The following TRA2B variants were observed in gnomAD, a reference collection of about 807,000 sequenced individuals.
The protein encoded by TRA2B is transformer-2 protein homolog beta.
A neutral mutation model predicts 41.7 loss-of-function variants in TRA2B; 14 were observed. The ratio of observed to expected loss-of-function variants is 0.34; its 90% confidence interval spans 0.22 to 0.53. The LOEUF (loss-of-function observed/expected upper bound fraction) is 0.53. Ranked by LOEUF, TRA2B falls within the 20% of genes least tolerant of loss-of-function variation. The pLI is 0.95. For synonymous variants in TRA2B, 130 were observed against 128.8 expected, an observed-to-expected ratio of 1.01 and a Z score of -0.06; for missense variants, 167 against 396.8, an observed-to-expected ratio of 0.42 and a Z score of 4.92.
At chr3:185,933,246 AT>A (rs1744217107) in intron 1 of TRA2B, among the ~76,000 whole-genome samples, 1 of 152,166 alleles carries the variant, frequency 6.6e-6, no homozygotes, top group African/African-American at 2.4e-5. Context: ...TTCAATGTGG[AT>A]ACCTTCCTGC....
Position 185,926,685 on chromosome 3 carries a change from G to C in TRA2B, c.86C>G (p.Ser29Cys). 2 of 1,614,156 alleles carry C rather than the reference G, an allele frequency of 1.2e-6. No individual in the cohort carries two copies. The highest frequency in any genetic ancestry group is 1.7e-6 in the Non-Finnish European group (2 of 1,180,016). Residue 29 changes from serine to cysteine, a missense_variant, in exon 2 of 9, where the codon TCT becomes TGT. By Grantham distance (112) the Ser-to-Cys change is moderately radical (BLOSUM62 -1). This residue lies in a region of TRA2B where 94 missense variants were observed against 133.4 expected (regional missense o/e 0.70). Coordinates refer to ENST00000453386, the MANE Select transcript of TRA2B (RefSeq NM_004593.3). ...RSGSAHGSGK[S>C]ARHTPARSRS... ...AGACCTTGCAGGGGTATGCCTTGCAGATTTCCCCGATCCGTGAGCACTTCC... is the reference window on the plus strand; with the variant it reads ...AGACCTTGCAGGGGTATGCCTTGCACATTTCCCCGATCCGTGAGCACTTCC...
At chr3:185,935,967 G>A in intron 1 of TRA2B, 1 of 985,378 alleles carries the variant, frequency 1.0e-6, no homozygotes, top group Non-Finnish European at 1.2e-6. Context: ...GAAAAACACA[G>A]TGTACTTTTA....
chr3:185,925,083 G>C (rs139785266), intron 3 of TRA2B: 1 of 154,844 alleles, frequency 6.5e-6, no homozygotes, highest in Non-Finnish European at 1.4e-5. Flanking sequence ...AAAGAAATTA[G>C]CTTCAAATTA....
At chr3:185,933,401 T>G (rs964656755) in intron 1 of TRA2B, among the ~76,000 whole-genome samples, 1 of 152,182 alleles carries the variant, frequency 6.6e-6, no homozygotes, top group Admixed American at 6.5e-5. Flanking sequence ...GATCAACTCT[T>G]GGGCTAATGT....
rs1321457947 is a variant in TRA2B, at chr3:185,917,359, C to A, written c.*356G>T. The A allele has an allele frequency of 8.1e-6, 2 of 247,600 alleles. No individual in the cohort carries two copies. Among genetic ancestry groups the A allele is most frequent in the Non-Finnish European group, 1.5e-5 (2 of 130,750 alleles). 15.3% of individuals were successfully genotyped at this position (247,600 alleles called of 1,614,324 possible). ...TCAAACTGTTTATTGTTGCTTTTTG[C>A]CATTTGGTAGCATTTTACACAGGCT... On this transcript the variant is annotated 3_prime_UTR_variant, in exon 9 of 9. Transcript: ENST00000453386.
chr3:185,924,585 T>C (rs1000741467), intron 3 of TRA2B: 3 of 152,692 alleles, frequency 2.0e-5, no homozygotes, highest in African/African-American at 7.2e-5. Flanking sequence ...CCAAGGCTGG[T>C]GGACTGCTTG....
intron 1 of TRA2B, chr3:185,934,572 CACAATACAAA>C (rs1458204783): frequency 9.1e-6 from 9 of 985,258 alleles, no homozygotes; most frequent in Non-Finnish European, 2.4e-6. Context: ...TAACCAGACT[CACAATACAAA>C]ACAATTTCCT....
intron 7 of TRA2B, among the ~76,000 whole-genome samples, chr3:185,918,825 G>A (rs1171183559): frequency 3.3e-5 from 5 of 151,996 alleles, no homozygotes; most frequent in Non-Finnish European, 7.4e-5. Context: ...TGACCAACAT[G>A]GTGAAAACCT....
chr3:185,924,062 A>G, intron 3 of TRA2B, 78 bp from the exon 4 acceptor site: 1 of 1,288,076 alleles, frequency 7.8e-7, no homozygotes, highest in Non-Finnish European at 1.1e-6. Context: ...GCTGTATACT[A>G]GCCAAAATGT....
Position 185,916,317 on chromosome 3 carries a change from C to CT in TRA2B, c.*1397dup, listed in dbSNP as rs1743497857. Reference sequence around the variant, plus strand: ...ATTGCCACTTAAACAGCTATTTGAACTAAGGTAAGTTACTCTACATCATTT... The same window carrying CT: ...ATTGCCACTTAAACAGCTATTTGAACTTAAGGTAAGTTACTCTACATCATTT... On this transcript the variant is annotated 3_prime_UTR_variant, in exon 9 of 9. Coordinates refer to ENST00000453386, the MANE Select transcript of TRA2B (RefSeq NM_004593.3). 6.6e-6 allele frequency: 1 copy of CT among 152,172 alleles called. No homozygotes were observed. Among genetic ancestry groups the CT allele is most frequent in the East Asian group, 1.9e-4 (1 of 5,200 alleles). 9.4% of individuals were successfully genotyped at this position (152,172 alleles called of 1,614,324 possible). A position where few individuals can be genotyped will look rare whatever the true frequency, so the allele number is the denominator to read the frequency against.
At chr3:185,931,743 T>G in intron 1 of TRA2B, 1 of 1,470,594 alleles carries the variant, frequency 6.8e-7, no homozygotes, top group Non-Finnish European at 8.9e-7. Context: ...TAGCATGCAT[T>G]CTTTCTTTTA....
At position 185,917,445 on chromosome 3, in the gene TRA2B, A is replaced by G. The variant is rs769279088; in HGVS notation, c.*270T>C. The G allele has an allele frequency of 2.3e-6, 1 of 434,724 alleles. No individual in the cohort carries two copies. The highest frequency in any genetic ancestry group is 4.1e-6 in the Non-Finnish European group (1 of 241,430). The allele number at this position is 434,724 out of a possible 1,614,324, so 26.9% of individuals were successfully genotyped here. Reference sequence around the variant, plus strand: ...CCTTTTAAATGAAGTTTTGTACAATAGAAACTTCTCAGCAGTCAAAATTTA... The same window carrying G: ...CCTTTTAAATGAAGTTTTGTACAATGGAAACTTCTCAGCAGTCAAAATTTA... On this transcript the variant is annotated 3_prime_UTR_variant, in exon 9 of 9. Coordinates refer to ENST00000453386, the MANE Select transcript of TRA2B (RefSeq NM_004593.3).
chr3:185,919,818 G>A (rs772088058), intron 6 of TRA2B, among the ~76,000 whole-genome samples: 108 of 152,008 alleles, frequency 7.1e-4, no homozygotes, highest in Non-Finnish European at 1.2e-3. Context: ...GGTTTTCATG[G>A]GTGATAAAAT....
At chr3:185,926,556 T>G in intron 2 of TRA2B, 45 bp downstream of exon 2, 1 of 1,608,600 alleles carries the variant, frequency 6.2e-7, no homozygotes, top group Non-Finnish European at 8.5e-7. Flanking sequence ...CGCACCAATT[T>G]CAGAGCTAAG....
intron 2 of TRA2B, among the ~76,000 whole-genome samples, chr3:185,926,034 T>C (rs561027754): frequency 1.5e-4 from 23 of 152,180 alleles, no homozygotes; most frequent in African/African-American, 4.8e-4. Context: ...AAACAAAAAA[T>C]TGAGTGGCTC....
At chr3:185,929,787 ACT>A (rs974540411) in intron 1 of TRA2B, among the ~76,000 whole-genome samples, 1 of 152,172 alleles carries the variant, frequency 6.6e-6, no homozygotes, top group African/African-American at 2.4e-5. Flanking sequence ...CTCTTAAAAC[ACT>A]GTTTATCATA....
intron 1 of TRA2B, among the ~76,000 whole-genome samples, chr3:185,929,252 A>T (rs1421236796): frequency 6.6e-6 from 1 of 152,202 alleles, no homozygotes; most frequent in Non-Finnish European, 1.5e-5. Context: ...ACATATGGCA[A>T]GGGAATAAAA....
rs563307248 is a variant in TRA2B, at chr3:185,934,297, A to G, written c.36+3528T>C. On this transcript the variant is annotated intron_variant, in intron 1 of 8. Coordinates refer to ENST00000453386, the MANE Select transcript of TRA2B (RefSeq NM_004593.3). Reference sequence around the variant, plus strand: ...GGGCAAAATAGCTATGAAAGCATTAATATTTACCACCTACGTTCGGATTTT... The same window carrying G: ...GGGCAAAATAGCTATGAAAGCATTAGTATTTACCACCTACGTTCGGATTTT... 4.2e-5 allele frequency: 41 copies of G among 981,714 alleles called. 1 individual carries two copies. The African/African-American group carries it at 4.2e-4, about 10-fold the overall frequency. The allele number at this position is 981,714 out of a possible 1,614,324, so 60.8% of individuals were successfully genotyped here. A position where few individuals can be genotyped will look rare whatever the true frequency, so the allele number is the denominator to read the frequency against.
intron 1 of TRA2B, among the ~76,000 whole-genome samples, chr3:185,930,541 T>C (rs972683796): frequency 2.0e-5 from 3 of 152,154 alleles, no homozygotes; most frequent in African/African-American, 7.2e-5. Context: ...CAGGAAGACA[T>C]GTGTGACATG....
Sources: gnomAD v4.1 joint callset for allele counts (sites outside exome capture counted in the v4.1 genomes callset) on GRCh38, gnomAD v4.1.1 for gene constraint, gnomAD v4.1.1 regional missense constraint, MANE v1.5 for transcripts, NCBI Gene and HGNC (gene_info 2026-07-23, HGNC 2026-07-21) for gene names.